The following ZNF407 variants were observed in gnomAD, a reference collection of about 807,000 sequenced individuals.
The protein encoded by ZNF407 is zinc finger protein 407.
Under a neutral mutation model 131.2 loss-of-function variants are expected in ZNF407, and 17 were observed. The ratio of observed to expected loss-of-function variants is 0.13; its 90% CI spans 0.09 to 0.19. The LOEUF is 0.19. Ranked by LOEUF, ZNF407 falls within the 10% of genes least tolerant of loss-of-function variation. The probability of loss-of-function intolerance (pLI) is 1.00; values close to 1 mark genes in which losing one functional copy is unlikely to be tolerated. For missense variants in ZNF407, 2,681 were observed against 2,830.6 expected (o/e 0.95, Z 1.20); for synonymous variants, 1,156 against 1,062.0 (o/e 1.09, Z -1.72).
intron 4 of ZNF407, among the ~76,000 whole-genome samples, chr18:74,813,221 C>CCTGTGTTTTGG (rs146413724): frequency 0.074 from 11,227 of 152,104 alleles, 483 homozygotes; most frequent in South Asian, 0.13. Flanking sequence ...GTGGTTTGTC[C>CCTGTGTTTTGG]CTGTGGACAT....
At chr18:75,060,226 G>A (rs934437989) in intron 8 of ZNF407, 8 of 152,240 alleles carry the variant, frequency 5.3e-5, no homozygotes, top group Non-Finnish European at 8.8e-5. Flanking sequence ...GTAACCATGA[G>A]AAAACAGGGT....
At chr18:74,940,147 G>A (rs1289505855) in intron 8 of ZNF407, among the ~76,000 whole-genome samples, 1 of 152,182 alleles carries the variant, frequency 6.6e-6, no homozygotes, top group Non-Finnish European at 1.5e-5. Context: ...TCCATGTAGG[G>A]ATCAACTTAT....
intron 3 of ZNF407, among the ~76,000 whole-genome samples, chr18:74,701,397 A>G (rs1056077153): frequency 6.6e-6 from 1 of 152,170 alleles, no homozygotes; most frequent in Admixed American, 6.5e-5. Context: ...TCATCCTGTG[A>G]TGTTTTTATT....
chr18:74,936,463 CCTGCGCATTTAGG>C (rs1972041272), intron 8 of ZNF407, among the ~76,000 whole-genome samples: 1 of 152,112 alleles, frequency 6.6e-6, no homozygotes, highest in Non-Finnish European at 1.5e-5. Flanking sequence ...AGACTCTGCC[CCTGCGCATTTAGG>C]CTTACTCTCC....
chr18:74,957,629 T>C (rs898075167), intron 8 of ZNF407, among the ~76,000 whole-genome samples: 3 of 152,162 alleles, frequency 2.0e-5, no homozygotes, highest in Non-Finnish European at 2.9e-5. Flanking sequence ...GCATTGACAG[T>C]TGCTATTTTA....
intron 4 of ZNF407, among the ~76,000 whole-genome samples, chr18:74,849,989 A>T (rs958164294): frequency 6.6e-6 from 1 of 152,226 alleles, no homozygotes; most frequent in Non-Finnish European, 1.5e-5. Context: ...TTTGACTATG[A>T]GGCCATATGT....
At position 75,064,596 on chromosome 18, in the gene ZNF407, C is replaced by A; in HGVS notation, c.*128C>A. The A allele has an allele frequency of 1.1e-6, 1 of 873,202 alleles. No homozygotes were observed. The highest frequency in any genetic ancestry group is 1.7e-6 in the Non-Finnish European group (1 of 604,976). 54.1% of individuals were successfully genotyped at this position (873,202 alleles called of 1,614,324 possible). A position where few individuals can be genotyped will look rare whatever the true frequency, so the allele number is the denominator to read the frequency against. On this transcript the variant is annotated 3_prime_UTR_variant, in exon 9 of 9. Transcript: ENST00000299687. Reference sequence around the variant, plus strand: ...GGACAAGGCTCCCGTGAGCTCTGAGCATGCCCTCCCAGCGAGAGTCACACT... The same window carrying A: ...GGACAAGGCTCCCGTGAGCTCTGAGAATGCCCTCCCAGCGAGAGTCACACT...
intron 8 of ZNF407, among the ~76,000 whole-genome samples, chr18:74,950,736 G>GT (rs1568280613): frequency 6.6e-6 from 1 of 152,204 alleles, no homozygotes; most frequent in African/African-American, 2.4e-5. Context: ...TTGGAATTAA[G>GT]TTCTCTCTAA....
intron 3 of ZNF407, among the ~76,000 whole-genome samples, chr18:74,717,393 G>A (rs929386589): frequency 1.3e-5 from 2 of 152,144 alleles, no homozygotes; most frequent in Admixed American, 1.3e-4. Flanking sequence ...TGATTCTGTG[G>A]AGAGTGCAGA....
At chr18:75,000,039 A>G (rs949121110) in intron 8 of ZNF407, among the ~76,000 whole-genome samples, 1 of 152,234 alleles carries the variant, frequency 6.6e-6, no homozygotes, top group African/African-American at 2.4e-5. Flanking sequence ...CAATGTAAAG[A>G]ACTCTGGGTG....
At chr18:74,731,854 G>A (rs1243092594) in intron 3 of ZNF407, among the ~76,000 whole-genome samples, 2 of 152,070 alleles carry the variant, frequency 1.3e-5, no homozygotes, top group Non-Finnish European at 2.9e-5. Context: ...GTCCAAAAAC[G>A]TGCCTTCATA....
intron 3 of ZNF407, among the ~76,000 whole-genome samples, chr18:74,666,627 T>G (rs1985941202): frequency 6.6e-6 from 1 of 152,172 alleles, no homozygotes; most frequent in South Asian, 2.1e-4. Flanking sequence ...GGAAATGCCT[T>G]CATTCTCCCT....
In ZNF407 at chr18:74,635,209, G is replaced by A; in HGVS notation, c.4190G>A (p.Gly1397Asp). ...CTGCCCTTGAAAGACTGTGCTCAAG[G>A]TGTGAAAAAGAAGAAATCTGAGGGC... The part of the protein sequence containing the change: ...SELPLKDCAQ[G>D]VKKKKSEGSS... Residue 1397 changes from glycine to aspartate, a missense_variant, in exon 2 of 9, where the codon GGT becomes GAT. Gly to Asp is a moderately conservative substitution (Grantham distance 94). Transcript: ENST00000299687. The surrounding 1 kb of genome is among the most constrained non-coding windows in gnomAD (Gnocchi z 4.7). 6.2e-7 allele frequency: 1 copy of A among 1,614,036 alleles called. No individual in the cohort carries two copies.
intron 4 of ZNF407, among the ~76,000 whole-genome samples, chr18:74,843,207 C>A (rs1027307931): frequency 1.3e-5 from 2 of 152,130 alleles, no homozygotes; most frequent in Non-Finnish European, 2.9e-5. Flanking sequence ...CTCTTAATTA[C>A]TACTTTTTGA....
chr18:74,737,629 C>T (rs894047120), intron 3 of ZNF407, among the ~76,000 whole-genome samples: 1 of 152,076 alleles, frequency 6.6e-6, no homozygotes, highest in East Asian at 1.9e-4. Context: ...CGCAGACACA[C>T]ACCCTTACGT....
At chr18:74,883,612 C>T (rs906519466) in intron 6 of ZNF407, among the ~76,000 whole-genome samples, 1 of 152,190 alleles carries the variant, frequency 6.6e-6, no homozygotes, top group Non-Finnish European at 1.5e-5. Context: ...AGGAGAAGAT[C>T]CTCACGTGTG....
chr18:74,795,676 C>T (rs1236671142), intron 4 of ZNF407, among the ~76,000 whole-genome samples: 1 of 152,240 alleles, frequency 6.6e-6, no homozygotes, highest in African/African-American at 2.4e-5. Context: ...TGGGCATTCT[C>T]ACCAAATGTT....
At chr18:74,895,197 T>G (rs1046250618) in intron 7 of ZNF407, among the ~76,000 whole-genome samples, 2 of 151,890 alleles carry the variant, frequency 1.3e-5, no homozygotes, top group African/African-American at 4.8e-5. Flanking sequence ...CAAAGTACTT[T>G]TTCATCTTAA....
At chr18:74,994,334 T>A (rs1210203733) in intron 8 of ZNF407, among the ~76,000 whole-genome samples, 2 of 152,344 alleles carry the variant, frequency 1.3e-5, no homozygotes, top group Admixed American at 6.5e-5. Flanking sequence ...CTTTGTGCCA[T>A]CCTTGCAACT....
Sources: allele counts gnomAD v4.1 joint callset (sites outside exome capture counted in the v4.1 genomes callset), GRCh38; gene constraint gnomAD v4.1.1; non-coding constraint Gnocchi (gnomAD v3.1); transcripts MANE v1.5; gene names NCBI Gene and HGNC (gene_info 2026-07-23, HGNC 2026-07-21).